Variants in TOGARAM2 observed in about 807,000 individuals in gnomAD.
TOGARAM2 encodes the protein TOG array regulator of axonemal microtubules protein 2.
Under a neutral mutation model 93.3 loss-of-function variants are expected in TOGARAM2, and 85 were observed. That is an observed-to-expected ratio of 0.91 (90% CI 0.76 to 1.09). TOGARAM2 has a LOEUF of 1.09. TOGARAM2 is among the 50% of genes least tolerant of loss of function. The pLI is 0.00. For synonymous variants in TOGARAM2, 593 were observed against 552.8 expected (o/e 1.07, Z -1.02); for missense variants, 1,277 against 1,334.5 (o/e 0.96, Z 0.67).
intron 18 of TOGARAM2, among the ~76,000 whole-genome samples, chr2:29,039,057 C>G (rs1047446124): frequency 6.6e-6 from 1 of 152,022 alleles, no homozygotes; most frequent in East Asian, 1.9e-4. Flanking sequence ...TCCCGCTGTC[C>G]CAGGGGATTG....
chr2:29,004,939 T>TGTATGTGTGTGA lies in TOGARAM2; in HGVS notation c.830+1259_830+1260insATGTGTGTGAGT, dbSNP rs1553338692. On this transcript the variant is annotated intron_variant, in intron 6 of 19. Coordinates refer to ENST00000379558, the MANE Select transcript of TOGARAM2 (RefSeq NM_199280.4). ...ATGTGTACGTGTGTGAGTGCATGTG[T>TGTATGTGTGTGA]GTGCATGTGTGTGCATGTGTATGTG... 7.0e-3 allele frequency among the ~76,000 whole-genome samples: 753 copies of TGTATGTGTGTGA among 106,822 alleles called. 302 individuals are homozygous for TGTATGTGTGTGA. Among genetic ancestry groups the TGTATGTGTGTGA allele is most frequent in the Middle Eastern group, 0.022 (4 of 182 alleles). 70.1% of individuals were successfully genotyped at this position (106,822 alleles called of 152,430 possible). A position where few individuals can be genotyped will look rare whatever the true frequency, so the allele number is the denominator to read the frequency against.
chr2:28,983,199 T>TATATATATATATATATATATA (rs1491158838), intron 1 of TOGARAM2, among the ~76,000 whole-genome samples: 1 of 12,502 alleles, frequency 8.0e-5, no homozygotes, highest in African/African-American at 2.2e-4. Context: ...TATATATATA[T>TATATATATATATATATATATA]TTTTTTTTTT....
At chr2:28,979,465 T>C (rs535399591), upstream of TOGARAM2, among the ~76,000 whole-genome samples, 1 of 152,334 alleles carries the variant, frequency 6.6e-6, no homozygotes, top group South Asian at 2.1e-4. Context: ...CAGTCTGGAA[T>C]CCAGGGGCTT....
chr2:29,045,883 C>T, intron 19 of TOGARAM2: 1 of 226,192 alleles, frequency 4.4e-6, no homozygotes, highest in Admixed American at 5.3e-5. Flanking sequence ...TGCGTTTCTT[C>T]CTCCTTGCAA....
At chr2:28,976,544 T>C (rs1041889937), upstream of TOGARAM2, among the ~76,000 whole-genome samples, 4 of 152,062 alleles carry the variant, frequency 2.6e-5, no homozygotes, top group South Asian at 6.2e-4. Context: ...TTTTGTGGAA[T>C]GGGGAGAAAG....
At chr2:29,015,598 C>T (rs1458824512) in intron 8 of TOGARAM2, among the ~76,000 whole-genome samples, 2 of 152,236 alleles carry the variant, frequency 1.3e-5, no homozygotes, top group Admixed American at 6.5e-5. Flanking sequence ...CCACTCCTGA[C>T]AGGCATTAGT....
At chr2:28,971,844 G>A (rs1671950285) in intron 1 of TOGARAM2, among the ~76,000 whole-genome samples, 1 of 152,158 alleles carries the variant, frequency 6.6e-6, no homozygotes, top group Non-Finnish European at 1.5e-5. Flanking sequence ...ATTTGACTGT[G>A]CTCAAGTTCT....
chr2:28,994,217 C>G (rs1279398735), intron 1 of TOGARAM2, among the ~76,000 whole-genome samples: 7 of 152,084 alleles, frequency 4.6e-5, no homozygotes, highest in Admixed American at 3.9e-4. Context: ...CTTGTTCAGT[C>G]AGGTGAGAAG....
intron 6 of TOGARAM2, 72 bp downstream of exon 6, chr2:29,003,754 T>C: frequency 4.6e-6 from 6 of 1,296,058 alleles, no homozygotes; most frequent in South Asian, 3.5e-5. Flanking sequence ...CTGGGGCTCC[T>C]TGTGGCTGAC....
intron 10 of TOGARAM2, among the ~76,000 whole-genome samples, chr2:29,021,196 G>C (rs1166466172): frequency 6.6e-6 from 1 of 152,200 alleles, no homozygotes; most frequent in Non-Finnish European, 1.5e-5. Flanking sequence ...TTACAGATGT[G>C]AGCCACTGTG....
Position 29,051,883 on chromosome 2 carries a change from CG to C in TOGARAM2, c.2854del (p.Val952TrpfsTer36). 6.3e-7 allele frequency: 1 copy of C among 1,576,040 alleles called. No individual in the cohort carries two copies. Among genetic ancestry groups the C allele is most frequent in the Admixed American group, 1.8e-5 (1 of 54,122 alleles). ...TGCCTGGACCCAGCGGGAACATCCG[CG>C]GGGTGGTGTGCCGGCTGTCCAGGAG... ...TLPGPSGNIR[G>X]VVCRLSRSLQ... On this transcript the variant is annotated frameshift_variant, in exon 20 of 20. Transcript: ENST00000379558. LOFTEE classifies it low-confidence loss of function (END_TRUNC).
chr2:28,984,787 T>C (rs550287137), intron 1 of TOGARAM2, among the ~76,000 whole-genome samples: 251 of 152,326 alleles, frequency 1.6e-3, no homozygotes, highest in African/African-American at 5.8e-3. Flanking sequence ...TCAGGCAGGA[T>C]TGATGCGGTG....
At chr2:29,019,401 C>T (rs1664797443) in intron 10 of TOGARAM2, among the ~76,000 whole-genome samples, 1 of 152,058 alleles carries the variant, frequency 6.6e-6, no homozygotes, top group South Asian at 2.1e-4. Flanking sequence ...AACTCTCGAC[C>T]TCAAGTGATT....
intron 1 of TOGARAM2, among the ~76,000 whole-genome samples, chr2:28,989,757 C>G (rs78078116): frequency 6.6e-6 from 1 of 151,648 alleles, no homozygotes; most frequent in Non-Finnish European, 1.5e-5. Flanking sequence ...AGGCTGGTCT[C>G]GAACTCAAGC....
chr2:28,990,423 C>T (rs925725315), intron 1 of TOGARAM2, among the ~76,000 whole-genome samples: 9 of 152,268 alleles, frequency 5.9e-5, no homozygotes, highest in East Asian at 1.9e-4. Context: ...GAGCAAGCCC[C>T]GACCCTCTCA....
intron 1 of TOGARAM2, among the ~76,000 whole-genome samples, chr2:28,970,046 C>T (rs943124288): frequency 3.2e-4 from 49 of 152,058 alleles, no homozygotes; most frequent in Non-Finnish European, 6.6e-4. Context: ...CTCTTGACCT[C>T]GTGATCCGCC....
intron 19 of TOGARAM2, chr2:29,048,857 T>TTTTTG (rs1666903947): frequency 6.8e-6 from 1 of 148,100 alleles, no homozygotes; most frequent in African/African-American, 2.5e-5. Context: ...TTTTTTTTTT[T>TTTTTG]TTTTTTTTTT....
At chr2:29,003,166 C>T (rs755857268) in intron 5 of TOGARAM2, among the ~76,000 whole-genome samples, 2 of 152,210 alleles carry the variant, frequency 1.3e-5, no homozygotes, top group Non-Finnish European at 1.5e-5. Flanking sequence ...GCTGTGTGAC[C>T]TTGTGCAAGT....
At chr2:29,003,940 C>T (rs1336152176) in intron 6 of TOGARAM2, among the ~76,000 whole-genome samples, 1 of 152,208 alleles carries the variant, frequency 6.6e-6, no homozygotes, top group Non-Finnish European at 1.5e-5. Context: ...CTGTCTTCTC[C>T]CAGTGCCTTA....
Sources: allele counts gnomAD v4.1 joint callset (sites outside exome capture counted in the v4.1 genomes callset), GRCh38; gene constraint gnomAD v4.1.1; transcripts MANE v1.5; gene names NCBI Gene and HGNC (gene_info 2026-07-23, HGNC 2026-07-21).